PTPRD: variants seen among roughly 807,000 people sequenced by gnomAD.
PTPRD encodes the protein receptor-type tyrosine-protein phosphatase delta.
A neutral mutation model predicts 214.5 loss-of-function variants in PTPRD; 34 were observed. The observed-to-expected ratio is 0.16, with a 90% CI of 0.12 to 0.21. PTPRD has a LOEUF of 0.21. Among genes scored for constraint, PTPRD ranks in the 10% least tolerant of loss-of-function variants. PTPRD has a pLI of 1.00. For synonymous variants in PTPRD, 1,128 were observed against 845.7 expected (o/e 1.33, Z -5.79); for missense variants, 2,545 against 2,398.7 (o/e 1.06, Z -1.27).
intron 35 of PTPRD, among the ~76,000 whole-genome samples, chr9:8,412,838 G>A (rs1589773606): frequency 6.6e-6 from 1 of 151,948 alleles, no homozygotes; most frequent in Non-Finnish European, 1.5e-5. Flanking sequence ...TTACTTTTCC[G>A]GCAGAGACAA....
intron 44 of PTPRD, among the ~76,000 whole-genome samples, chr9:8,329,957 G>C (rs1208728965): frequency 1.8e-5 from 1 of 55,900 alleles, no homozygotes; most frequent in African/African-American, 4.4e-4. Context: ...GGCTCTGTGG[G>C]AGTGGATCGT....
chr9:9,250,302 A>C (rs1055450021), intron 9 of PTPRD, among the ~76,000 whole-genome samples: 3 of 152,088 alleles, frequency 2.0e-5, no homozygotes, highest in Non-Finnish European at 4.4e-5. Context: ...ACCCCAGGGC[A>C]AAAACATCTC....
chr9:8,813,160 T>G (rs1437222379), intron 11 of PTPRD, among the ~76,000 whole-genome samples: 1 of 152,132 alleles, frequency 6.6e-6, no homozygotes, highest in African/African-American at 2.4e-5. Context: ...TTCTGGGCAG[T>G]ACTCCAGTGG....
intron 7 of PTPRD, among the ~76,000 whole-genome samples, chr9:9,712,957 A>G (rs1043081004): frequency 6.6e-6 from 1 of 152,058 alleles, no homozygotes; most frequent in Admixed American, 6.6e-5. Context: ...TAATGAAAAA[A>G]CTCATTTGCT....
chr9:8,964,290 T>C (rs925955585), intron 11 of PTPRD, among the ~76,000 whole-genome samples: 2 of 145,716 alleles, frequency 1.4e-5, no homozygotes, highest in Non-Finnish European at 3.0e-5. Context: ...TCTTGGGAGA[T>C]TGTGTGTTTC....
intron 9 of PTPRD, among the ~76,000 whole-genome samples, chr9:9,377,848 A>C (rs1318899667): frequency 6.6e-6 from 1 of 151,508 alleles, no homozygotes; most frequent in Non-Finnish European, 1.5e-5. Flanking sequence ...TCTTAAAATA[A>C]TATTTTAACT....
chr9:9,756,176 G>C (rs986957424), intron 6 of PTPRD, among the ~76,000 whole-genome samples: 9 of 151,920 alleles, frequency 5.9e-5, no homozygotes, highest in African/African-American at 1.7e-4. Context: ...ATATTCTGAC[G>C]AACGACAGAG....
intron 4 of PTPRD, among the ~76,000 whole-genome samples, chr9:9,963,161 G>A (rs2094473095): frequency 6.6e-6 from 1 of 151,946 alleles, no homozygotes; most frequent in Admixed American, 6.6e-5. Flanking sequence ...TTTAAAAAAT[G>A]TTTTTATAAA....
In PTPRD at chr9:8,523,311, C is replaced by T. The variant is rs533826386; in HGVS notation, c.691+202G>A. Among the ~76,000 whole-genome samples the T allele has an allele frequency of 2.6e-5, 4 of 152,142 alleles. No individual in the cohort carries two copies. The South Asian group carries it at 8.3e-4, about 32-fold the overall frequency. On this transcript the variant is annotated intron_variant, in intron 19 of 45. Transcript: ENST00000381196. ...TTAAGTGTTACCAGTTACCATGCAC[C>T]CAGGTACATTCTCTCCCACCATGCA...
rs1290650814 is a variant in PTPRD, at chr9:8,981,981, CT to C, written c.-104+36715del. 1.8e-4 allele frequency among the ~76,000 whole-genome samples: 28 copies of C among 151,868 alleles called. 1 individual carries two copies. Among genetic ancestry groups the C allele is most frequent in the Admixed American group, 1.8e-3 (28 of 15,208 alleles). On this transcript the variant is annotated intron_variant, in intron 11 of 45. Transcript: ENST00000381196. ...TCTCGCCAGAGCAAAAGGTAGATCA[CT>C]TTTTAAAAGACTTACTATAAATGAA...
chr9:9,618,046 T>C (rs2094995702), intron 7 of PTPRD, among the ~76,000 whole-genome samples: 2 of 100,946 alleles, frequency 2.0e-5, no homozygotes, highest in Admixed American at 1.6e-4. Flanking sequence ...CACTCCAGCC[T>C]GGGCGACAGA....
intron 7 of PTPRD, among the ~76,000 whole-genome samples, chr9:9,732,863 T>C (rs2154443425): frequency 6.6e-6 from 1 of 152,130 alleles, no homozygotes; most frequent in East Asian, 1.9e-4. Flanking sequence ...GTAGGAGGAT[T>C]TCTTGAACCC....
chr9:10,032,843 AT>A (rs148397787), intron 4 of PTPRD, among the ~76,000 whole-genome samples: 3,997 of 151,878 alleles, frequency 0.026, 184 homozygotes, highest in African/African-American at 0.087. Flanking sequence ...TGCAATTTAT[AT>A]TTTTTTACTA....
At chr9:9,776,678 C>T (rs2098800970) in intron 5 of PTPRD, among the ~76,000 whole-genome samples, 1 of 152,168 alleles carries the variant, frequency 6.6e-6, no homozygotes, top group Non-Finnish European at 1.5e-5. Context: ...TCAGCCATTA[C>T]ATGTTAAAAT....
intron 2 of PTPRD, among the ~76,000 whole-genome samples, chr9:10,509,264 G>A (rs1225168961): frequency 2.6e-5 from 4 of 151,722 alleles, no homozygotes; most frequent in Admixed American, 2.0e-4. Context: ...TCATCCTTCA[G>A]TTTTAATTGA....
At chr9:10,528,427 C>T (rs1475828292) in intron 2 of PTPRD, among the ~76,000 whole-genome samples, 1 of 152,106 alleles carries the variant, frequency 6.6e-6, no homozygotes, top group East Asian at 1.9e-4. Flanking sequence ...ATCCATGCTG[C>T]TACTATTAAT....
At chr9:9,841,200 GT>G (rs2058252309) in intron 5 of PTPRD, among the ~76,000 whole-genome samples, 1 of 152,132 alleles carries the variant, frequency 6.6e-6, no homozygotes, top group Non-Finnish European at 1.5e-5. Context: ...GGGGATAGGA[GT>G]AGTGGTAGTG....
chr9:10,027,926 A>T (rs2096960583), intron 4 of PTPRD, among the ~76,000 whole-genome samples: 1 of 152,168 alleles, frequency 6.6e-6, no homozygotes, highest in Non-Finnish European at 1.5e-5. Context: ...TGAATTTTAA[A>T]CATGGCTTAA....
At position 9,217,009 on chromosome 9, in the gene PTPRD, T is replaced by C. The variant is rs1209797267; in HGVS notation, c.-202-33646A>G. On this transcript the variant is annotated intron_variant, in intron 9 of 45. Coordinates refer to ENST00000381196, the MANE Select transcript of PTPRD (RefSeq NM_002839.4). ...TTTTAAAGAGTAGAGGGCAAAAAAATTCAAAGAACCAATATGTTTAAGAAA... is the reference window on the plus strand; with the variant it reads ...TTTTAAAGAGTAGAGGGCAAAAAAACTCAAAGAACCAATATGTTTAAGAAA... Among the ~76,000 whole-genome samples, 10 of 152,052 alleles carry C rather than the reference T, an allele frequency of 6.6e-5. No individual in the cohort carries two copies. The East Asian group carries it at 1.9e-3, about 29-fold the overall frequency.
Sources: gnomAD v4.1 joint callset for allele counts (sites outside exome capture counted in the v4.1 genomes callset) on GRCh38, gnomAD v4.1.1 for gene constraint, MANE v1.5 for transcripts, NCBI Gene and HGNC (gene_info 2026-07-23, HGNC 2026-07-21) for gene names.